PCDH11X: variants seen among roughly 807,000 people sequenced by gnomAD.
The protein encoded by PCDH11X is protocadherin-11 X-linked.
A neutral mutation model predicts 53.3 loss-of-function variants in PCDH11X; 18 were observed. The ratio of observed to expected loss-of-function variants is 0.34; its 90% CI spans 0.23 to 0.50. The LOEUF (loss-of-function observed/expected upper bound fraction) is 0.50. Among genes scored for constraint, PCDH11X ranks in the 20% least tolerant of loss-of-function variants. PCDH11X has a pLI of 0.98. For synonymous variants in PCDH11X, 279 were observed against 393.3 expected (o/e 0.71, Z 3.44); for missense variants, 570 against 1,032.4 (o/e 0.55, Z 6.14).
rs1180302983 is a variant in PCDH11X at position 91,834,130 on chromosome X, TATATA to T, written c.-44-1325_-44-1321del. On this transcript the variant is annotated intron_variant, in intron 4 of 10. Coordinates refer to ENST00000682573, the MANE Select transcript of PCDH11X (RefSeq NM_032968.5). ...AGTGTGATACAAATTTAATTTTGTT[TATATA>T]ATATATCATCTACAAATACTATCCA... 7.2e-4 allele frequency among the ~76,000 whole-genome samples: 80 copies of T among 111,434 alleles called. 1 individual carries two copies. Among genetic ancestry groups the T allele is most frequent in the East Asian group, 2.5e-3 (9 of 3,568 alleles).
At chrX:91,890,965 G>A (rs1940450256) in intron 6 of PCDH11X, among the ~76,000 whole-genome samples, 1 of 103,997 alleles carries the variant, frequency 9.6e-6, no homozygotes, top group South Asian at 4.4e-4. Context: ...TTTCAGATTG[G>A]GCAATGTATA....
At chrX:92,183,687 A>G (rs746448903) in intron 6 of PCDH11X, among the ~76,000 whole-genome samples, 257 of 112,422 alleles carry the variant, frequency 2.3e-3, no homozygotes, top group African/African-American at 8.2e-3. Context: ...CCTTCTCTGA[A>G]TCTTATGCTT....
chrX:92,109,986 A>G (rs34333859), intron 6 of PCDH11X, among the ~76,000 whole-genome samples: 9 of 112,577 alleles, frequency 8.0e-5, no homozygotes, highest in Non-Finnish European at 1.5e-4. Flanking sequence ...AAAACACTGT[A>G]TAATTTAGCT....
Position 92,165,748 on chromosome X carries a change from A to T in PCDH11X, c.3034-35627A>T, listed in dbSNP as rs2065722065. 2.7e-5 allele frequency among the ~76,000 whole-genome samples: 3 copies of T among 111,994 alleles called. No homozygotes were observed. In the Admixed American group the frequency reaches 2.9e-4, roughly 11 times the overall value. ...CATAATGTGTCTGTATTATATTTAA[A>T]TGCTTAAGGATGACTCTCCAGCTAA... On this transcript the variant is annotated intron_variant, in intron 6 of 10. Transcript: ENST00000682573.
chrX:92,003,497 A>G (rs958828859), intron 6 of PCDH11X, among the ~76,000 whole-genome samples: 21 of 105,854 alleles, frequency 2.0e-4, no homozygotes, highest in Non-Finnish European at 3.9e-4. Flanking sequence ...CAGTTTAGTC[A>G]TGGGGTCCCA....
chrX:92,279,774 G>A (rs549428109), intron 8 of PCDH11X, among the ~76,000 whole-genome samples: 8 of 111,715 alleles, frequency 7.2e-5, no homozygotes, highest in African/African-American at 2.6e-4. Flanking sequence ...TATTTTTCAC[G>A]TTTTTAAAGG....
At position 91,811,297 on chromosome X, in the gene PCDH11X, T is replaced by A. The variant is rs1422986619; in HGVS notation, c.-45+2T>A. 8.4e-7 allele frequency: 1 copy of A among 1,195,456 alleles called. No individual in the cohort carries two copies. Among genetic ancestry groups the A allele is most frequent in the Non-Finnish European group, 1.1e-6 (1 of 881,708 alleles). On this transcript the variant is annotated splice_donor_variant, in intron 4 of 10. Transcript: ENST00000682573. LOFTEE classifies it low-confidence loss of function (5UTR_SPLICE). ...GGGTTTTAATTCAGATATTTCAAGGTGAGTTTCATATATATTAAATATCAT... is the reference window on the plus strand; with the variant it reads ...GGGTTTTAATTCAGATATTTCAAGGAGAGTTTCATATATATTAAATATCAT...
chrX:92,214,344 T>C (rs1286458399), intron 7 of PCDH11X, among the ~76,000 whole-genome samples: 1 of 111,939 alleles, frequency 8.9e-6, no homozygotes, highest in African/African-American at 3.2e-5. Flanking sequence ...GAAAAAATCA[T>C]GTGATCAATG....
chrX:92,418,741 A>G (rs1432700535), intron 9 of PCDH11X, among the ~76,000 whole-genome samples: 1 of 108,605 alleles, frequency 9.2e-6, no homozygotes, highest in African/African-American at 3.4e-5. Context: ...AAACACACAC[A>G]CCACTATGCC....
At chrX:92,018,175 C>A (rs973307774) in intron 6 of PCDH11X, among the ~76,000 whole-genome samples, 1 of 110,033 alleles carries the variant, frequency 9.1e-6, no homozygotes, top group Admixed American at 9.8e-5. Flanking sequence ...TTATCTGAAA[C>A]CATTATGTAT....
chrX:92,346,434 G>A (rs2069897508), intron 8 of PCDH11X, among the ~76,000 whole-genome samples: 2 of 110,704 alleles, frequency 1.8e-5, no homozygotes, highest in African/African-American at 6.5e-5. Flanking sequence ...TGGATCCTCT[G>A]TGCAAGATGA....
intron 6 of PCDH11X, among the ~76,000 whole-genome samples, chrX:92,081,053 A>C (rs2063848396): frequency 9.0e-6 from 1 of 110,950 alleles, no homozygotes; most frequent in Admixed American, 9.6e-5. Flanking sequence ...AAGTTTCTTT[A>C]GTTCAAAATA....
chrX:92,525,664 A>G (rs2074440171), intron 10 of PCDH11X, among the ~76,000 whole-genome samples: 1 of 107,485 alleles, frequency 9.3e-6, no homozygotes, highest in Non-Finnish European at 1.9e-5. Flanking sequence ...TAGAATTACT[A>G]TCTTATCAGT....
intron 6 of PCDH11X, among the ~76,000 whole-genome samples, chrX:92,191,877 G>A (rs964520643): frequency 2.7e-5 from 3 of 111,670 alleles, no homozygotes; most frequent in Non-Finnish European, 1.9e-5. Context: ...TAGCATCTTC[G>A]AAGAACTCAG....
chrX:92,037,903 T>G (rs796745348), intron 6 of PCDH11X, among the ~76,000 whole-genome samples: 3,405 of 105,531 alleles, frequency 0.032, 166 homozygotes, highest in African/African-American at 0.12. Context: ...TTTGTGGGTT[T>G]TTTTTTTTTT....
chrX:92,370,221 A>G (rs1442215547), intron 8 of PCDH11X, among the ~76,000 whole-genome samples: 1 of 110,497 alleles, frequency 9.1e-6, no homozygotes, highest in Non-Finnish European at 1.9e-5. Flanking sequence ...AGAATTATCA[A>G]GTTTTTTCTA....
chrX:92,534,256 T>G (rs182873458), intron 10 of PCDH11X, among the ~76,000 whole-genome samples: 1,966 of 111,095 alleles, frequency 0.018, 53 homozygotes, highest in African/African-American at 0.061. Context: ...ACGTGATGCA[T>G]GCACAAGCTT....
At chrX:91,814,468 T>A (rs1936393372) in intron 4 of PCDH11X, among the ~76,000 whole-genome samples, 1 of 107,026 alleles carries the variant, frequency 9.3e-6, no homozygotes, top group Non-Finnish European at 1.9e-5. Context: ...TGAAAAAAAA[T>A]TTGTTGCCAA....
chrX:92,087,513 T>C (rs1272772476), intron 6 of PCDH11X, among the ~76,000 whole-genome samples: 3 of 111,694 alleles, frequency 2.7e-5, no homozygotes, highest in Non-Finnish European at 5.6e-5. Context: ...TTTCAATAAC[T>C]AATATACAAG....
Sources: gnomAD v4.1 joint callset for allele counts (sites outside exome capture counted in the v4.1 genomes callset) on GRCh38, gnomAD v4.1.1 for gene constraint, MANE v1.5 for transcripts, NCBI Gene and HGNC (gene_info 2026-07-23, HGNC 2026-07-21) for gene names.